ALDH1L2: variants seen among roughly 807,000 people sequenced by gnomAD.
ALDH1L2 encodes the protein aldehyde dehydrogenase 1 family member L2, also known as mitochondrial 10-formyltetrahydrofolate dehydrogenase.
A neutral mutation model predicts 111.0 loss-of-function variants in ALDH1L2; 91 were observed. That is an observed-to-expected ratio of 0.82 (90% CI 0.69 to 0.98). ALDH1L2 has a LOEUF of 0.98. Among genes scored for constraint, ALDH1L2 ranks in the 50% least tolerant of loss-of-function variants. The pLI is 0.00. For missense variants in ALDH1L2, 995 were observed against 1,126.8 expected, an observed-to-expected ratio of 0.88 and a Z score of 1.67; for synonymous variants, 374 against 392.6, an observed-to-expected ratio of 0.95 and a Z score of 0.56.
chr12:105,066,547 A>G, intron 5 of ALDH1L2, 21 bp downstream of exon 5: 1 of 1,600,072 alleles, frequency 6.2e-7, no homozygotes, highest in South Asian at 1.1e-5. Context: ...GAGACGTGTT[A>G]TTGAGTTGAT....
intron 10 of ALDH1L2, among the ~76,000 whole-genome samples, chr12:105,057,605 T>C (rs920646417): frequency 1.3e-5 from 2 of 152,124 alleles, no homozygotes; most frequent in Admixed American, 1.3e-4. Flanking sequence ...TGATACAACA[T>C]GGATGAACGT....
intron 18 of ALDH1L2, among the ~76,000 whole-genome samples, chr12:105,037,021 G>C (rs998929406): frequency 6.6e-6 from 1 of 152,128 alleles, no homozygotes; most frequent in African/African-American, 2.4e-5. Context: ...TTGGCTGTGA[G>C]TGTTCATTAT....
chr12:105,037,901 A>T (rs1214164165), intron 18 of ALDH1L2, among the ~76,000 whole-genome samples: 1 of 151,874 alleles, frequency 6.6e-6, no homozygotes. Context: ...GGTAGCTGGG[A>T]CTACAGGTGC....
chr12:105,036,523 TA>T (rs1875138048), intron 18 of ALDH1L2, among the ~76,000 whole-genome samples: 1 of 15,394 alleles, frequency 6.5e-5, no homozygotes, highest in Admixed American at 6.6e-4. Flanking sequence ...TTTATATATA[TA>T]TATATATATA....
rs2136038969 is a variant in ALDH1L2 at position 105,021,089 on chromosome 12, T to C, written c.*3335A>G. ...AGGCAGTCAGGATGGTGGAACAGAATGAGAGGGAAATTGACAGGAGATGAG... is the reference window on the plus strand; with the variant it reads ...AGGCAGTCAGGATGGTGGAACAGAACGAGAGGGAAATTGACAGGAGATGAG... On this transcript the variant is annotated 3_prime_UTR_variant, in exon 23 of 23. Coordinates refer to ENST00000258494, the MANE Select transcript of ALDH1L2 (RefSeq NM_001034173.4). 1 of 152,230 alleles carries C rather than the reference T, an allele frequency of 6.6e-6. No homozygotes were observed. The highest frequency in any genetic ancestry group is 1.9e-4 in the East Asian group (1 of 5,194). The allele number at this position is 152,230 out of a possible 1,614,324, so 9.4% of individuals were successfully genotyped here. A position where few individuals can be genotyped will look rare whatever the true frequency, so the allele number is the denominator to read the frequency against.
intron 22 of ALDH1L2, among the ~76,000 whole-genome samples, chr12:105,025,480 A>G (rs7308266): frequency 0.31 from 47,739 of 151,976 alleles, 9,029 homozygotes; most frequent in African/African-American, 0.53. Flanking sequence ...CTAATAATAA[A>G]TTCCCTAAGA....
At chr12:105,031,697 T>C in intron 20 of ALDH1L2, 72 bp downstream of exon 20, 1 of 1,553,548 alleles carries the variant, frequency 6.4e-7, no homozygotes, top group Non-Finnish European at 8.7e-7. Context: ...GCCAGGCTGG[T>C]CTTAAACTGT....
At chr12:105,026,069 T>C (rs953509240) in intron 22 of ALDH1L2, among the ~76,000 whole-genome samples, 3 of 152,162 alleles carry the variant, frequency 2.0e-5, no homozygotes, top group Non-Finnish European at 4.4e-5. Context: ...GTCTCATTGC[T>C]CAGACTCCCA....
chr12:105,070,144 A>G (rs1326728540), intron 3 of ALDH1L2, among the ~76,000 whole-genome samples: 2 of 152,186 alleles, frequency 1.3e-5, no homozygotes, highest in African/African-American at 2.4e-5. Context: ...GCAATTAAAA[A>G]TCCGGCATAA....
intron 2 of ALDH1L2, among the ~76,000 whole-genome samples, chr12:105,073,117 C>T (rs1353297063): frequency 6.6e-6 from 1 of 152,184 alleles, no homozygotes; most frequent in Non-Finnish European, 1.5e-5. Context: ...TCAATGCTTC[C>T]TTATTATGAA....
intron 19 of ALDH1L2, 135 bp from the exon 20 acceptor site, chr12:105,032,069 G>A: frequency 1.1e-6 from 1 of 870,150 alleles, no homozygotes; most frequent in South Asian, 2.7e-5. Flanking sequence ...GGAGGTAGGT[G>A]GTTGGTTTTT....
Position 105,026,591 on chromosome 12 carries a change from C to T in ALDH1L2, c.2670G>A (p.Ala890=), listed in dbSNP as rs930807837. 11 of 1,613,990 alleles carry T rather than the reference C, an allele frequency of 6.8e-6. No individual in the cohort carries two copies. The highest frequency in any genetic ancestry group is 1.6e-4 in the Middle Eastern group (1 of 6,082). ...FINTYNKTDV[A]APFGGVKQSG... is the part of the protein sequence containing the mutation. ...ATTGTTTAACTCCGCCAAATGGGGCCGCCACATCTGTCTTGTTGTATGTGT... is the reference window on the plus strand; with the variant it reads ...ATTGTTTAACTCCGCCAAATGGGGCTGCCACATCTGTCTTGTTGTATGTGT... The change falls in exon 22 of 23, where the codon GCG becomes GCA. Residue 890 remains alanine (A), a synonymous_variant. Coordinates refer to ENST00000258494, the MANE Select transcript of ALDH1L2 (RefSeq NM_001034173.4).
At position 105,035,124 on chromosome 12, in the gene ALDH1L2, A is replaced by G. The variant is rs1236137418; in HGVS notation, c.2146-726T>C. 2.0e-5 allele frequency among the ~76,000 whole-genome samples: 3 copies of G among 152,074 alleles called. No homozygotes were observed. In the East Asian group the frequency reaches 5.8e-4, roughly 29 times the overall value. ...CCACCTTACCCAGCTAATTTTTTCT[A>G]TTTTTATTTATTGTAGAGACAGGGT... is the stretch of plus-strand genomic sequence containing the variant. On this transcript the variant is annotated intron_variant, in intron 18 of 22. Transcript: ENST00000258494.
chr12:105,042,082 C>T (rs1346310580), intron 15 of ALDH1L2, among the ~76,000 whole-genome samples: 8 of 151,354 alleles, frequency 5.3e-5, no homozygotes, highest in African/African-American at 1.9e-4. Context: ...GTATACACAA[C>T]ACACACACAC....
At chr12:105,046,149 T>TTCTC (rs541003101) in intron 15 of ALDH1L2, among the ~76,000 whole-genome samples, 472 of 35,868 alleles carry the variant, frequency 0.013, 17 homozygotes, top group Non-Finnish European at 0.016. Flanking sequence ...CTTCTACATC[T>TTCTC]TCTCTCTCTC....
At chr12:105,034,813 A>G (rs563443234) in intron 18 of ALDH1L2, among the ~76,000 whole-genome samples, 3 of 152,112 alleles carry the variant, frequency 2.0e-5, no homozygotes, top group Non-Finnish European at 2.9e-5. Context: ...GTGAAACCCC[A>G]TCTCCACTAA....
Position 105,052,058 on chromosome 12 carries a change from CTAAAAAATAAAAAAA to C in ALDH1L2, c.1535+17_1535+31del, listed in dbSNP as rs781221941. On this transcript the variant is annotated intron_variant, in intron 12 of 22. Coordinates refer to ENST00000258494, the MANE Select transcript of ALDH1L2 (RefSeq NM_001034173.4). The stretch of plus-strand genomic sequence containing the variant: ...CCCTGTCTCTACCAGAGTTACTTTT[CTAAAAAATAAAAAAA>C]TAAAAAATAGAAATACCTATACATC... 2.1e-5 allele frequency: 32 copies of C among 1,530,530 alleles called. No homozygotes were observed. The highest frequency in any genetic ancestry group is 2.7e-5 in the Non-Finnish European group (31 of 1,142,184). The allele number at this position is 1,530,530 out of a possible 1,614,324, so 94.8% of individuals were successfully genotyped here.
intron 10 of ALDH1L2, among the ~76,000 whole-genome samples, chr12:105,055,826 G>A (rs1876590200): frequency 6.6e-6 from 1 of 151,934 alleles, no homozygotes; most frequent in African/African-American, 2.4e-5. Context: ...GGACCCAATA[G>A]CAAATTCAAG....
At chr12:105,060,026 G>A (rs1876891681) in intron 9 of ALDH1L2, among the ~76,000 whole-genome samples, 1 of 152,146 alleles carries the variant, frequency 6.6e-6, no homozygotes, top group Non-Finnish European at 1.5e-5. Context: ...CAGTTTCCTT[G>A]CGATAGAGGC....
Sources: allele counts gnomAD v4.1 joint callset (sites outside exome capture counted in the v4.1 genomes callset), GRCh38; gene constraint gnomAD v4.1.1; transcripts MANE v1.5; gene names NCBI Gene and HGNC (gene_info 2026-07-23, HGNC 2026-07-21).